Variants in NUDT7 observed in about 807,000 individuals in gnomAD.
NUDT7 encodes the protein nudix hydrolase 7.
NUDT7 carries 19 observed loss-of-function variants against 13.1 expected under a neutral mutation model. That is an observed-to-expected ratio of 1.45 (90% CI 1.01 to 2.13). NUDT7 has a LOEUF of 2.13. NUDT7 is among the 30% of genes most tolerant of loss of function. The pLI, the probability that NUDT7 is intolerant of heterozygous loss-of-function variation, is 0.00. For synonymous variants in NUDT7, 132 were observed against 109.7 expected (o/e 1.20, Z -1.27); for missense variants, 360 against 291.7 (o/e 1.23, Z -1.71).
rs746013641 is a variant in NUDT7, at chr16:77,725,480, G to A, written c.85G>A (p.Gly29Arg). ...AKARLRKYDI[G>R]GKYSHLPYNK... The stretch of plus-strand genomic sequence containing the variant: ...GGCCCGCTTAAGAAAGTATGATATT[G>A]GAGGCAAATATTCTCACTTGCCATA... The change falls in exon 2 of 4, where the codon GGA becomes AGA. Residue 29 changes from glycine (G) to arginine (R), a missense_variant. By Grantham distance (125) the Gly-to-Arg change is moderately radical (BLOSUM62 -2). Transcript: ENST00000268533. 1 of 1,613,494 alleles carries A rather than the reference G, an allele frequency of 6.2e-7. No homozygotes were observed. Among genetic ancestry groups the A allele is most frequent in the Non-Finnish European group, 8.5e-7 (1 of 1,179,508 alleles).
intron 1 of NUDT7, 71 bp from the exon 2 acceptor site, chr16:77,725,360 G>A: frequency 7.2e-7 from 1 of 1,383,278 alleles, no homozygotes; most frequent in Non-Finnish European, 9.9e-7. Flanking sequence ...AGCAGAAACA[G>A]AGGCAGGACT....
At chr16:77,741,481 T>A (rs949383981) in intron 3 of NUDT7, 101 bp from the exon 4 acceptor site, 31 of 1,234,478 alleles carry the variant, frequency 2.5e-5, no homozygotes, top group Non-Finnish European at 3.3e-5. Context: ...TTCTCCCAGG[T>A]TCGGTGTATT....
At chr16:77,723,592 CTTT>C (rs148451618) in intron 1 of NUDT7, among the ~76,000 whole-genome samples, 11 of 125,682 alleles carry the variant, frequency 8.8e-5, no homozygotes, top group Admixed American at 1.7e-4. Context: ...TTTGTATACA[CTTT>C]TTTTTTTTTT....
intron 3 of NUDT7, among the ~76,000 whole-genome samples, chr16:77,740,900 T>C (rs901604223): frequency 3.9e-5 from 6 of 152,108 alleles, no homozygotes; most frequent in African/African-American, 1.5e-4. Flanking sequence ...CCCTCTCCCA[T>C]GTAATATATA....
intron 3 of NUDT7, among the ~76,000 whole-genome samples, chr16:77,739,977 CTTCCCCT>C (rs2014608263): frequency 2.0e-5 from 3 of 152,164 alleles, no homozygotes; most frequent in African/African-American, 2.4e-5. Context: ...TTGCTCCCCT[CTTCCCCT>C]TAACTGTTTC....
At chr16:77,732,378 G>A (rs2014346119) in intron 2 of NUDT7, among the ~76,000 whole-genome samples, 1 of 151,714 alleles carries the variant, frequency 6.6e-6, no homozygotes, top group Non-Finnish European at 1.5e-5. Flanking sequence ...TATAGCCTAA[G>A]TGTCTAGTAT....
At chr16:77,739,993 T>A (rs894802265) in intron 3 of NUDT7, among the ~76,000 whole-genome samples, 4 of 152,068 alleles carry the variant, frequency 2.6e-5, no homozygotes, top group Admixed American at 6.6e-5. Context: ...CTTAACTGTT[T>A]CCCCTGGGAG....
In NUDT7 at chr16:77,742,169, C is replaced by A; in HGVS notation, c.*219C>A. Reference sequence around the variant, plus strand: ...ATGTTCATAGTGTTGCATATTTTCACCCACAATATGTTAATAATATTTTTC... The same window carrying A: ...ATGTTCATAGTGTTGCATATTTTCAACCACAATATGTTAATAATATTTTTC... On this transcript the variant is annotated 3_prime_UTR_variant, in exon 4 of 4. Transcript: ENST00000268533. 1 of 1,147,986 alleles carries A rather than the reference C, an allele frequency of 8.7e-7. No homozygotes were observed. The highest frequency in any genetic ancestry group is 1.1e-6 in the Non-Finnish European group (1 of 904,666). The allele number at this position is 1,147,986 out of a possible 1,614,324, so 71.1% of individuals were successfully genotyped here. A position where few individuals can be genotyped will look rare whatever the true frequency, so the allele number is the denominator to read the frequency against.
intron 2 of NUDT7, chr16:77,735,347 T>A (rs1393072572): frequency 6.1e-6 from 3 of 492,294 alleles, no homozygotes; most frequent in Admixed American, 3.3e-5. Flanking sequence ...TAAGGTTGTT[T>A]AAAAGTGTGT....
intron 2 of NUDT7, chr16:77,735,356 G>A (rs187120574): frequency 3.8e-6 from 2 of 526,608 alleles, no homozygotes; most frequent in Admixed American, 6.1e-5. Flanking sequence ...TTAAAAGTGT[G>A]TAGCACCTCC....
intron 2 of NUDT7, among the ~76,000 whole-genome samples, chr16:77,726,860 T>A (rs1166585616): frequency 6.6e-6 from 1 of 152,094 alleles, no homozygotes; most frequent in African/African-American, 2.4e-5. Context: ...AAAAGAGGTT[T>A]CATTGAGTCA....
In NUDT7 at chr16:77,736,000, G is replaced by C. The variant is rs28626611; in HGVS notation, c.348+14G>C. On this transcript the variant is annotated intron_variant, in intron 3 of 3. Coordinates refer to ENST00000268533, the MANE Select transcript of NUDT7 (RefSeq NM_001105663.3). ...TGTCTTATTGATGTAAGGGTTTCCT[G>C]AGACACTCATGAGCACCGTCCCCAC... is the stretch of plus-strand genomic sequence containing the variant. 2.8e-3 allele frequency: 4,440 copies of C among 1,613,324 alleles called. 101 individuals carry two copies. In the African/African-American group the frequency reaches 0.053, roughly 19 times the overall value.
intron 1 of NUDT7, among the ~76,000 whole-genome samples, chr16:77,722,852 C>T (rs1011418480): frequency 6.6e-6 from 1 of 152,180 alleles, no homozygotes; most frequent in Admixed American, 6.5e-5. Context: ...ACACGCTGCT[C>T]CCCTTCCCAG....
chr16:77,735,895 C>A lies in NUDT7; in HGVS notation c.257C>A (p.Ala86Glu), dbSNP rs781675114. ...CGTGACCCTACAGACATGGATGATG[C>A]AGCCACAGCTCTCCGGGAAGCCCAG... is the stretch of plus-strand genomic sequence containing the variant. ...GKRDPTDMDD[A>E]ATALREAQEE... is the part of the protein sequence containing the mutation. Residue 86 changes from alanine (A) to glutamate (E), a missense_variant, in exon 3 of 4, where the codon GCA (alanine) becomes GAA (glutamate). By Grantham distance (107) the Ala-to-Glu change is moderately radical (BLOSUM62 -1). Transcript: ENST00000268533. 21 of 1,613,888 alleles carry A rather than the reference C, an allele frequency of 1.3e-5. No individual in the cohort carries two copies. Among genetic ancestry groups the A allele is most frequent in the Non-Finnish European group, 1.7e-5 (20 of 1,179,798 alleles).
At chr16:77,738,208 A>G (rs1210845077) in intron 3 of NUDT7, among the ~76,000 whole-genome samples, 1 of 152,182 alleles carries the variant, frequency 6.6e-6, no homozygotes, top group African/African-American at 2.4e-5. Flanking sequence ...TAATTTAGCT[A>G]TACTGATTAA....
rs187483874 is a variant in NUDT7, at chr16:77,727,474, A to C, written c.189+1890A>C. Among the ~76,000 whole-genome samples, 714 of 152,342 alleles carry C rather than the reference A, an allele frequency of 4.7e-3. 3 individuals carry two copies. Among genetic ancestry groups the C allele is most frequent in the Non-Finnish European group, 8.0e-3 (541 of 68,038 alleles). On this transcript the variant is annotated intron_variant, in intron 2 of 3. Coordinates refer to ENST00000268533, the MANE Select transcript of NUDT7 (RefSeq NM_001105663.3). ...TGATAGAAATCCAGGTTCCAGGGGG[A>C]AATACTTAAATGGAAACCAGGGGAC...
chr16:77,737,737 A>G (rs111801973), intron 3 of NUDT7, among the ~76,000 whole-genome samples: 2,338 of 152,278 alleles, frequency 0.015, 58 homozygotes, highest in African/African-American at 0.053. Flanking sequence ...CGCCTGCCTC[A>G]GCCTCCCAAA....
At chr16:77,735,106 C>A (rs2014436517) in intron 2 of NUDT7, among the ~76,000 whole-genome samples, 1 of 152,122 alleles carries the variant, frequency 6.6e-6, no homozygotes, top group Non-Finnish European at 1.5e-5. Flanking sequence ...AAGGACTCAA[C>A]AAAATTATCT....
In NUDT7 at chr16:77,738,749, G is replaced by A. The variant is rs112949372; in HGVS notation, c.348+2763G>A. ...ACCTATGTATGTACCCGCTACATAA[G>A]CCTTCCAGGCAGGCTGTGACACCAC... On this transcript the variant is annotated intron_variant, in intron 3 of 3. Transcript: ENST00000268533. Among the ~76,000 whole-genome samples, 176 of 152,268 alleles carry A rather than the reference G, an allele frequency of 1.2e-3. 2 individuals carry two copies. Among genetic ancestry groups the A allele is most frequent in the African/African-American group, 4.0e-3 (167 of 41,564 alleles).
Sources: allele counts gnomAD v4.1 joint callset (sites outside exome capture counted in the v4.1 genomes callset), GRCh38; gene constraint gnomAD v4.1.1; transcripts MANE v1.5; gene names NCBI Gene and HGNC (gene_info 2026-07-23, HGNC 2026-07-21).